ACCSL: variants seen among roughly 807,000 people sequenced by gnomAD.
ACCSL encodes probable inactive 1-aminocyclopropane-1-carboxylate synthase-like protein 2.
In ACCSL, 55 loss-of-function variants were observed where a neutral mutation model predicts 61.7. That is an observed-to-expected ratio of 0.89 (90% CI 0.72 to 1.12). The LOEUF is 1.12. Ranked by LOEUF, ACCSL falls within the 50% of genes most tolerant of loss-of-function variation. The probability of loss-of-function intolerance (pLI) is 0.00; values close to 1 mark genes in which losing one functional copy is unlikely to be tolerated. For missense variants in ACCSL, 632 were observed against 698.0 expected, an observed-to-expected ratio of 0.91 and a Z score of 1.07; for synonymous variants, 258 against 264.3, an observed-to-expected ratio of 0.98 and a Z score of 0.23.
At chr11:44,005,111 AC>A in the ACCSL span, among the ~76,000 whole-genome samples, 3 of 108,898 alleles carry the variant, frequency 2.8e-5, no homozygotes, top group Non-Finnish European at 5.3e-5. Context: ...CGGCAAGCTC[AC>A]CCCCACCCTG....
At chr11:43,924,534 TGGAGGCC>T in the ACCSL span, among the ~76,000 whole-genome samples, 190 of 152,336 alleles carry the variant, frequency 1.2e-3, 2 homozygotes, top group Non-Finnish European at 1.9e-3. Context: ...GACAGGGACC[TGGAGGCC>T]GGAGGCCGGA....
chr11:43,994,098 A>G, the ACCSL span, among the ~76,000 whole-genome samples: 2 of 152,220 alleles, frequency 1.3e-5, no homozygotes, highest in African/African-American at 4.8e-5. Flanking sequence ...CCACTGTTGT[A>G]TGGAGATTTG....
the ACCSL span, among the ~76,000 whole-genome samples, chr11:43,996,726 A>G: frequency 4.6e-5 from 7 of 151,982 alleles, no homozygotes; most frequent in African/African-American, 1.7e-4. Flanking sequence ...TGTTTCCAGA[A>G]GTCTCTTCCT....
the ACCSL span, among the ~76,000 whole-genome samples, chr11:43,997,511 T>C: frequency 6.6e-6 from 1 of 152,246 alleles, no homozygotes; most frequent in African/African-American, 2.4e-5. Flanking sequence ...TTTTCCATGC[T>C]GTTCTCTCCT....
At chr11:43,926,281 T>C in the ACCSL span, among the ~76,000 whole-genome samples, 1 of 152,280 alleles carries the variant, frequency 6.6e-6, no homozygotes, top group East Asian at 1.9e-4. Context: ...CCCAGGTAAT[T>C]GGTTTCCTAA....
chr11:44,022,471 T>C, the ACCSL span, among the ~76,000 whole-genome samples: 1 of 152,220 alleles, frequency 6.6e-6, no homozygotes, highest in Non-Finnish European at 1.5e-5. Context: ...TTTTGTATCT[T>C]GAAACTTTAC....
chr11:44,034,624 A>C, the ACCSL span, among the ~76,000 whole-genome samples: 1 of 152,130 alleles, frequency 6.6e-6, no homozygotes, highest in East Asian at 1.9e-4. Context: ...ATCTCATGAG[A>C]CTTATTCACT....
At chr11:43,924,577 C>A in the ACCSL span, among the ~76,000 whole-genome samples, 5 of 152,260 alleles carry the variant, frequency 3.3e-5, no homozygotes, top group African/African-American at 1.2e-4. Context: ...GCTAGCCCCG[C>A]AGCCTCCAGG....
the ACCSL span, chr11:43,922,344 GT>G: frequency 1.3e-5 from 2 of 152,216 alleles, no homozygotes; most frequent in African/African-American, 4.8e-5. Context: ...GGCCTGTTTG[GT>G]TTCCCTTTGC....
the ACCSL span, among the ~76,000 whole-genome samples, chr11:43,964,168 G>A: frequency 1.3e-5 from 2 of 152,196 alleles, 1 homozygote; most frequent in South Asian, 4.1e-4. Flanking sequence ...GCTGTGGCCA[G>A]GCGCGGTGGC....
chr11:43,966,281 C>G, the ACCSL span, among the ~76,000 whole-genome samples: 10 of 152,062 alleles, frequency 6.6e-5, no homozygotes, highest in African/African-American at 2.4e-4. Context: ...CAAAAATTAG[C>G]TGGGCATAGT....
chr11:43,966,954 GTCTC>G, the ACCSL span, among the ~76,000 whole-genome samples: 3 of 151,736 alleles, frequency 2.0e-5, no homozygotes, highest in Non-Finnish European at 2.9e-5. Context: ...TGTATATGCT[GTCTC>G]TCTTTTGCCT....
At chr11:43,938,868 G>A in the ACCSL span, among the ~76,000 whole-genome samples, 1 of 152,178 alleles carries the variant, frequency 6.6e-6, no homozygotes, top group Non-Finnish European at 1.5e-5. Flanking sequence ...AACAGACTTA[G>A]ATGTAATACC....
the ACCSL span, among the ~76,000 whole-genome samples, chr11:44,008,366 G>A: frequency 6.6e-6 from 1 of 152,340 alleles, no homozygotes; most frequent in African/African-American, 2.4e-5. Context: ...CGGGGCTGGT[G>A]CCTGGACTGC....
At chr11:43,949,814 C>CAAA in the ACCSL span, among the ~76,000 whole-genome samples, 1 of 135,924 alleles carries the variant, frequency 7.4e-6, no homozygotes, top group Non-Finnish European at 1.6e-5. Flanking sequence ...GACTCCATCT[C>CAAA]AAAAAAAACA....
chr11:44,029,857 G>A, the ACCSL span, among the ~76,000 whole-genome samples: 2 of 151,820 alleles, frequency 1.3e-5, no homozygotes, highest in Non-Finnish European at 2.9e-5. Flanking sequence ...GGGTCCCTGG[G>A]ACAGAACTGA....
the ACCSL span, among the ~76,000 whole-genome samples, chr11:43,940,264 G>GC: frequency 2.0e-5 from 3 of 152,108 alleles, no homozygotes; most frequent in Non-Finnish European, 4.4e-5. Context: ...ACGGGTGTGA[G>GC]CCACCGTGCC....
At chr11:44,058,201 A>G (rs1242449806) in intron 11 of ACCSL, 116 bp from the exon 12 acceptor site, 6 of 1,287,912 alleles carry the variant, frequency 4.7e-6, no homozygotes, top group African/African-American at 1.5e-5. Flanking sequence ...CAGACAAACA[A>G]AACAAAAACA....
At chr11:44,055,138 C>G in intron 8 of ACCSL, 64 bp from the exon 9 acceptor site, 1 of 1,166,656 alleles carries the variant, frequency 8.6e-7, no homozygotes, top group South Asian at 1.4e-5. Flanking sequence ...TTGTAAAAAG[C>G]ATGCAAAGAA....
Sources: allele counts gnomAD v4.1 joint callset (sites outside exome capture counted in the v4.1 genomes callset), GRCh38; gene constraint gnomAD v4.1.1; transcripts MANE v1.5; gene names NCBI Gene and HGNC (gene_info 2026-07-23, HGNC 2026-07-21).